The following PTPN3 variants were observed in gnomAD, a reference collection of about 807,000 sequenced individuals.
PTPN3 encodes protein tyrosine phosphatase non-receptor type 3.
A neutral mutation model predicts 132.7 loss-of-function variants in PTPN3; 96 were observed. That is an observed-to-expected ratio of 0.72 (90% CI 0.61 to 0.86). The LOEUF (loss-of-function observed/expected upper bound fraction) is 0.86, where lower values mean the gene tolerates loss of function less well. Among genes scored for constraint, PTPN3 ranks in the 40% least tolerant of loss-of-function variants. PTPN3 has a pLI of 0.00. For synonymous variants in PTPN3, 398 were observed against 429.0 expected, an observed-to-expected ratio of 0.93 and a Z score of 0.89; for missense variants, 1,125 against 1,159.6, an observed-to-expected ratio of 0.97 and a Z score of 0.43.
the PTPN3 span, among the ~76,000 whole-genome samples, chr9:109,519,189 C>A: frequency 4.6e-5 from 7 of 152,190 alleles, no homozygotes; most frequent in Non-Finnish European, 4.4e-5. Flanking sequence ...CTTCCTGCAA[C>A]AGAAGAAGTA....
At chr9:109,500,327 C>G (rs757747318), upstream of PTPN3, among the ~76,000 whole-genome samples, 14 of 152,124 alleles carry the variant, frequency 9.2e-5, no homozygotes, top group Non-Finnish European at 1.9e-4. Context: ...CTGAAATTAC[C>G]TTTTCTTTTC....
At chr9:109,429,136 A>G (rs1843490938) in intron 10 of PTPN3, 1 of 831,118 alleles carries the variant, frequency 1.2e-6, no homozygotes, top group Non-Finnish European at 1.5e-6. Flanking sequence ...TTTAGTCACC[A>G]TTAACTGAAC....
In PTPN3 at chr9:109,483,473, AAATC is replaced by A. The variant is rs953363413; in HGVS notation, c.-18+14742_-18+14745del. ...AGTTCCTAGCTCTCCGGGAACTCAC[AAATC>A]AATCAGAGAGAGAGGGATGCAGAAA... On this transcript the variant is annotated intron_variant, in intron 1 of 25. Coordinates refer to ENST00000374541, the MANE Select transcript of PTPN3 (RefSeq NM_002829.4). 1.4e-3 allele frequency among the ~76,000 whole-genome samples: 220 copies of A among 152,304 alleles called. 1 individual carries two copies. Among genetic ancestry groups the A allele is most frequent in the Non-Finnish European group, 2.6e-4 (18 of 68,034 alleles).
At chr9:109,382,162 T>G in intron 24 of PTPN3, 140 bp downstream of exon 24, 1 of 1,104,096 alleles carries the variant, frequency 9.1e-7, no homozygotes, top group Non-Finnish European at 1.3e-6. Flanking sequence ...TTTGAAATGG[T>G]GAAGAACCAC....
At chr9:109,471,839 C>T (rs1846399356) in intron 1 of PTPN3, among the ~76,000 whole-genome samples, 1 of 152,156 alleles carries the variant, frequency 6.6e-6, no homozygotes, top group Admixed American at 6.5e-5. Context: ...CCCCCTGACC[C>T]TCATGGCAAT....
In PTPN3 at chr9:109,381,745, T is replaced by C. The variant is rs1313170156; in HGVS notation, c.2571A>G (p.Thr857=). 1 of 1,614,108 alleles carries C rather than the reference T, an allele frequency of 6.2e-7. No individual in the cohort carries two copies. The highest frequency in any genetic ancestry group is 8.5e-7 in the Non-Finnish European group (1 of 1,180,030). Residue 857 remains threonine, a synonymous_variant, in exon 25 of 26, where the codon ACA becomes ACG. Transcript: ENST00000374541. ...GGTTCCTCTCAGTTAGGCACATGGC[T>C]GTTTCCATAGTGACCAACACACCGG... is the stretch of plus-strand genomic sequence containing the variant. ...GRTGVLVTME[T]AMCLTERNLP...
chr9:109,403,279 A>C (rs552668586), intron 19 of PTPN3, among the ~76,000 whole-genome samples: 1 of 152,024 alleles, frequency 6.6e-6, no homozygotes, highest in African/African-American at 2.4e-5. Context: ...CATTCCTATT[A>C]CTCATGCCTT....
chr9:109,473,970 C>T (rs1846511389), intron 1 of PTPN3, among the ~76,000 whole-genome samples: 1 of 151,378 alleles, frequency 6.6e-6, no homozygotes, highest in Admixed American at 6.6e-5. Flanking sequence ...TCAAACAGCA[C>T]ACCCCCAAAT....
intron 1 of PTPN3, among the ~76,000 whole-genome samples, chr9:109,466,559 G>C (rs1036514195): frequency 6.6e-6 from 1 of 152,214 alleles, no homozygotes; most frequent in Non-Finnish European, 1.5e-5. Flanking sequence ...TTCTCACACT[G>C]CAGTGTGCAT....
At chr9:109,501,660 A>G (rs910222106), upstream of PTPN3, among the ~76,000 whole-genome samples, 2 of 152,210 alleles carry the variant, frequency 1.3e-5, no homozygotes, top group African/African-American at 4.8e-5. Context: ...TGGGCACATA[A>G]TCTTCTTAGG....
At chr9:109,516,944 G>A in the PTPN3 span, among the ~76,000 whole-genome samples, 2 of 152,152 alleles carry the variant, frequency 1.3e-5, no homozygotes, top group Non-Finnish European at 2.9e-5. Context: ...GGATGGAATA[G>A]GGGTCCTCTT....
At chr9:109,519,296 T>C in the PTPN3 span, among the ~76,000 whole-genome samples, 546 of 152,344 alleles carry the variant, frequency 3.6e-3, 5 homozygotes, top group African/African-American at 0.012. Context: ...TACTTCATTA[T>C]AAAACAAGCT....
chr9:109,443,064 G>A (rs1331253476), intron 7 of PTPN3, among the ~76,000 whole-genome samples: 2 of 150,774 alleles, frequency 1.3e-5, no homozygotes, highest in Non-Finnish European at 2.9e-5. Context: ...ACTGGCCACC[G>A]GAGACATCAG....
At chr9:109,510,394 A>T in the PTPN3 span, among the ~76,000 whole-genome samples, 2 of 151,520 alleles carry the variant, frequency 1.3e-5, no homozygotes, top group Non-Finnish European at 2.9e-5. Context: ...CCCTGTCTCT[A>T]CTAAAACTAC....
intron 8 of PTPN3, 28 bp downstream of exon 8, chr9:109,438,086 C>G: frequency 6.2e-7 from 1 of 1,600,338 alleles, no homozygotes; most frequent in Non-Finnish European, 8.5e-7. Flanking sequence ...CCCAAGTCCC[C>G]AAAGTAGGCC....
chr9:109,408,428 A>ACAAT (rs767807071), intron 16 of PTPN3, 51 bp from the exon 17 acceptor site: 1 of 1,405,164 alleles, frequency 7.1e-7, no homozygotes, highest in Non-Finnish European at 9.9e-7. Context: ...AGTTAAACAA[A>ACAAT]CAAACAAACA....
At chr9:109,487,277 T>C (rs2132114657) in intron 1 of PTPN3, among the ~76,000 whole-genome samples, 2 of 152,332 alleles carry the variant, frequency 1.3e-5, no homozygotes, top group Admixed American at 1.3e-4. Context: ...GGCTGAGATA[T>C]GAGAACCTGC....
At chr9:109,413,113 A>AT (rs796731863) in intron 14 of PTPN3, among the ~76,000 whole-genome samples, 9,269 of 142,366 alleles carry the variant, frequency 0.065, 389 homozygotes, top group East Asian at 0.15. Context: ...TGCCTGGCTA[A>AT]TTTTTTTTTT....
intron 21 of PTPN3, among the ~76,000 whole-genome samples, chr9:109,390,926 G>C (rs1840024306): frequency 6.6e-6 from 1 of 152,140 alleles, no homozygotes; most frequent in Non-Finnish European, 1.5e-5. Context: ...TGTTAGCTTT[G>C]TGACTTTTCA....
Sources: gnomAD v4.1 joint callset for allele counts (sites outside exome capture counted in the v4.1 genomes callset) on GRCh38, gnomAD v4.1.1 for gene constraint, MANE v1.5 for transcripts, NCBI Gene and HGNC (gene_info 2026-07-23, HGNC 2026-07-21) for gene names.